GPALPP1: variants seen among roughly 807,000 people sequenced by gnomAD.
The protein encoded by GPALPP1 is GPALPP motifs-containing protein 1.
GPALPP1 carries 30 observed loss-of-function variants against 38.9 expected under a neutral mutation model. That is an observed-to-expected ratio of 0.77 (90% CI 0.58 to 1.05). The LOEUF is 1.05. Ranked by LOEUF, GPALPP1 falls within the 50% of genes least tolerant of loss-of-function variation. GPALPP1 has a pLI of 0.00. For synonymous variants in GPALPP1, 120 were observed against 139.2 expected, an observed-to-expected ratio of 0.86 and a Z score of 0.97; for missense variants, 384 against 408.8, an observed-to-expected ratio of 0.94 and a Z score of 0.52.
chr13:45,008,192 C>T (rs986125254), intron 3 of GPALPP1, among the ~76,000 whole-genome samples: 1 of 152,180 alleles, frequency 6.6e-6, no homozygotes, highest in African/African-American at 2.4e-5. Flanking sequence ...TACCCTTTTC[C>T]CTTTCTGTGG....
Position 45,008,795 on chromosome 13 carries a change from GC to G in GPALPP1, c.327del (p.Ile110Ter). 6.6e-7 allele frequency: 1 copy of G among 1,504,180 alleles called. No individual in the cohort carries two copies. The allele number at this position is 1,504,180 out of a possible 1,614,324, so 93.2% of individuals were successfully genotyped here. A position where few individuals can be genotyped will look rare whatever the true frequency, so the allele number is the denominator to read the frequency against. Reference protein sequence around the residue: ...FKKQDDSPPRPIIGPALPPGF... With the variant: ...FKKQDDSPPRXIIGPALPPGF... Reference sequence around the variant, plus strand: ...GATAAAAGTACATTTTATTTTTCAGGCCCATAATAGGTCCTGCATTGCCACC... The same window carrying G: ...GATAAAAGTACATTTTATTTTTCAGGCCATAATAGGTCCTGCATTGCCACC... On this transcript the variant is annotated frameshift_variant and splice_region_variant, in exon 4 of 8. Coordinates refer to ENST00000379151, the MANE Select transcript of GPALPP1 (RefSeq NM_018559.5). LOFTEE classifies it high-confidence loss of function.
chr13:45,000,434 G>A (rs1873590439), intron 1 of GPALPP1, among the ~76,000 whole-genome samples: 1 of 151,980 alleles, frequency 6.6e-6, no homozygotes, highest in African/African-American at 2.4e-5. Context: ...ATAAATGAGT[G>A]AATGAATACA....
At position 45,018,930 on chromosome 13, in the gene GPALPP1, A is replaced by AATATATACATATAAAT. The variant is rs1228163521; in HGVS notation, c.706-1326_706-1311dup. ...ATAAATATATACATATAAATGTATAAATATATACATATAAATATATATACA... is the reference window on the plus strand; with the variant it reads ...ATAAATATATACATATAAATGTATAAATATATACATATAAATATATATACATATAAATATATATACA... On this transcript the variant is annotated intron_variant, in intron 6 of 7. Coordinates refer to ENST00000379151, the MANE Select transcript of GPALPP1 (RefSeq NM_018559.5). 7.2e-5 allele frequency among the ~76,000 whole-genome samples: 6 copies of AATATATACATATAAAT among 82,944 alleles called. 1 individual carries two copies. Among genetic ancestry groups the AATATATACATATAAAT allele is most frequent in the African/African-American group, 4.8e-4 (6 of 12,540 alleles). 54.4% of individuals were successfully genotyped at this position (82,944 alleles called of 152,430 possible).
chr13:45,000,345 G>A (rs773635390), intron 1 of GPALPP1, among the ~76,000 whole-genome samples: 3 of 152,138 alleles, frequency 2.0e-5, no homozygotes, highest in African/African-American at 4.8e-5. Flanking sequence ...TGGGAGGATC[G>A]CTTGAGGCCA....
Position 45,029,814 on chromosome 13 carries a change from CAGAA to C in GPALPP1, c.*1815_*1818del, listed in dbSNP as rs1032387253. 51 of 152,258 alleles carry C rather than the reference CAGAA, an allele frequency of 3.3e-4. No individual in the cohort carries two copies. Among genetic ancestry groups the C allele is most frequent in the Middle Eastern group, 3.4e-3 (1 of 292 alleles). 9.4% of individuals were successfully genotyped at this position (152,258 alleles called of 1,614,324 possible). A position where few individuals can be genotyped will look rare whatever the true frequency, so the allele number is the denominator to read the frequency against. ...TTTAATTTTTTAATTGTTTTTAAGTCAGAAAGATCTCTGGGTTATCTCATGTGCT... is the reference window on the plus strand; with the variant it reads ...TTTAATTTTTTAATTGTTTTTAAGTCAGATCTCTGGGTTATCTCATGTGCT... On this transcript the variant is annotated 3_prime_UTR_variant, in exon 8 of 8. Coordinates refer to ENST00000379151, the MANE Select transcript of GPALPP1 (RefSeq NM_018559.5).
intron 1 of GPALPP1, among the ~76,000 whole-genome samples, chr13:44,992,608 T>C (rs565423198): frequency 6.6e-6 from 1 of 152,358 alleles, no homozygotes; most frequent in South Asian, 2.1e-4. Context: ...TTCACATTTA[T>C]ATTTGCAATT....
chr13:45,036,214 T>G (rs927332132), exon 8 of GPALPP1: 2 of 152,264 alleles, frequency 1.3e-5, no homozygotes, highest in African/African-American at 4.8e-5. Context: ...GCATTCACCC[T>G]TCAAACATCT....
downstream of GPALPP1, chr13:45,033,343 G>A (rs1166177467): frequency 6.6e-6 from 1 of 152,176 alleles, no homozygotes; most frequent in Non-Finnish European, 1.5e-5. Context: ...CGACAGCCAA[G>A]TCTTCTATTT....
intron 7 of GPALPP1, among the ~76,000 whole-genome samples, chr13:45,025,033 G>A (rs1875738193): frequency 1.3e-5 from 2 of 151,344 alleles, no homozygotes; most frequent in Non-Finnish European, 2.9e-5. Flanking sequence ...TTCATACAAT[G>A]TGTACTACTT....
chr13:45,020,643 A>G (rs1348602196), intron 7 of GPALPP1, among the ~76,000 whole-genome samples: 6 of 150,834 alleles, frequency 4.0e-5, no homozygotes, highest in Non-Finnish European at 1.5e-5. Context: ...AATGTCTCAA[A>G]AAAAAAAAAA....
chr13:44,991,317 C>T (rs1043521082), intron 1 of GPALPP1, among the ~76,000 whole-genome samples: 4 of 150,830 alleles, frequency 2.7e-5, no homozygotes, highest in Non-Finnish European at 5.9e-5. Context: ...CATGGTGGCA[C>T]GTACCTGTAG....
intron 1 of GPALPP1, among the ~76,000 whole-genome samples, chr13:44,994,383 G>A (rs1310215607): frequency 6.6e-6 from 1 of 151,880 alleles, no homozygotes; most frequent in African/African-American, 2.4e-5. Flanking sequence ...AGGAATTCGA[G>A]ACCAGCCTCA....
chr13:44,998,300 C>G (rs1873434536), intron 1 of GPALPP1, among the ~76,000 whole-genome samples: 2 of 152,184 alleles, frequency 1.3e-5, no homozygotes, highest in South Asian at 4.1e-4. Context: ...CCAAAACATT[C>G]AAATCTTTCC....
chr13:45,027,824 A>G lies in GPALPP1; in HGVS notation c.844A>G (p.Lys282Glu), dbSNP rs779924349. 6.3e-7 allele frequency: 1 copy of G among 1,596,196 alleles called. No individual in the cohort carries two copies. Among genetic ancestry groups the G allele is most frequent in the Non-Finnish European group, 8.6e-7 (1 of 1,164,096 alleles). Residue 282 changes from lysine to glutamate, a missense_variant, in exon 8 of 8, where the codon AAA becomes GAA. By Grantham distance (56) the Lys-to-Glu change is moderately conservative (BLOSUM62 1). Coordinates refer to ENST00000379151, the MANE Select transcript of GPALPP1 (RefSeq NM_018559.5). ...RSESLMDIHHKKLKSKAAEDK... is the reference protein window; with the variant it reads ...RSESLMDIHHEKLKSKAAEDK... ...AGAATCTCTTATGGACATACATCAT[A>G]AAAAGTTAAAGAGTAAGGCTGCTGA...
At position 45,027,815 on chromosome 13, in the gene GPALPP1, A is replaced by C; in HGVS notation, c.835A>C (p.Ile279Leu). 6.3e-7 allele frequency: 1 copy of C among 1,581,458 alleles called. No individual in the cohort carries two copies. The highest frequency in any genetic ancestry group is 8.7e-7 in the Non-Finnish European group (1 of 1,150,766). ...AAAAAGATCAGAATCTCTTATGGAC[A>C]TACATCATAAAAAGTTAAAGAGTAA... ...ESKRSESLMD[I>L]HHKKLKSKAA... The change falls in exon 8 of 8, where the codon ATA (isoleucine) becomes CTA (leucine). Residue 279 changes from isoleucine to leucine, a missense_variant. By Grantham distance (5) the Ile-to-Leu change is conservative (BLOSUM62 2). Coordinates refer to ENST00000379151, the MANE Select transcript of GPALPP1 (RefSeq NM_018559.5).
chr13:45,012,904 C>T (rs192823034), intron 4 of GPALPP1, among the ~76,000 whole-genome samples: 22 of 152,150 alleles, frequency 1.4e-4, no homozygotes, highest in Non-Finnish European at 2.9e-4. Flanking sequence ...GCACTTACCA[C>T]AAGCCAGACA....
At chr13:45,023,989 C>T (rs992457055) in intron 7 of GPALPP1, among the ~76,000 whole-genome samples, 1 of 152,168 alleles carries the variant, frequency 6.6e-6, no homozygotes, top group Non-Finnish European at 1.5e-5. Flanking sequence ...TCACCTCTGT[C>T]AGAACTTGGG....
Position 45,020,414 on chromosome 13 carries a change from G to C in GPALPP1, c.790G>C (p.Val264Leu). 1 of 1,368,930 alleles carries C rather than the reference G, an allele frequency of 7.3e-7. No individual in the cohort carries two copies. Among genetic ancestry groups the C allele is most frequent in the East Asian group, 2.3e-5 (1 of 43,570 alleles). 84.8% of individuals were successfully genotyped at this position (1,368,930 alleles called of 1,614,324 possible). A position where few individuals can be genotyped will look rare whatever the true frequency, so the allele number is the denominator to read the frequency against. The change falls in exon 7 of 8, where the codon GTA (valine) becomes CTA (leucine). Residue 264 changes from valine (V) to leucine (L), a missense_variant. Coordinates refer to ENST00000379151, the MANE Select transcript of GPALPP1 (RefSeq NM_018559.5). ...AAGAGATAAGAGACTGGCTGAGCAG[G>C]TATCTTCATACAATGTAAGTAAGAA... Reference protein sequence around the residue: ...SGRDKRLAEQVSSYNESKRSE... With the variant: ...SGRDKRLAEQLSSYNESKRSE...
chr13:45,007,431 C>T (rs1874177509), intron 3 of GPALPP1, among the ~76,000 whole-genome samples: 2 of 151,982 alleles, frequency 1.3e-5, no homozygotes, highest in Non-Finnish European at 1.5e-5. Flanking sequence ...ATTTTATATA[C>T]CAGTAATTTT....
Sources: gnomAD v4.1 joint callset for allele counts (sites outside exome capture counted in the v4.1 genomes callset) on GRCh38, gnomAD v4.1.1 for gene constraint, MANE v1.5 for transcripts, NCBI Gene and HGNC (gene_info 2026-07-23, HGNC 2026-07-21) for gene names.